EVC2: variants seen among roughly 807,000 people sequenced by gnomAD.
The protein encoded by EVC2 is limbin.
EVC2 carries 148 observed loss-of-function variants against 149.3 expected under a neutral mutation model. The observed-to-expected ratio is 0.99, with a 90% CI of 0.87 to 1.14. The LOEUF (loss-of-function observed/expected upper bound fraction) is 1.14, where lower values mean the gene tolerates loss of function less well. Ranked by LOEUF, EVC2 falls within the 50% of genes most tolerant of loss-of-function variation. The pLI, the probability that EVC2 is intolerant of heterozygous loss-of-function variation, is 0.00. For missense variants in EVC2, 1,854 were observed against 1,627.3 expected (o/e 1.14, Z -2.40); for synonymous variants, 776 against 649.9 (o/e 1.19, Z -2.95).
At chr4:5,615,663 T>C (rs994467550) in intron 15 of EVC2, 119 bp from the exon 16 acceptor site, 16 of 1,445,988 alleles carry the variant, frequency 1.1e-5, no homozygotes, top group Non-Finnish European at 1.5e-5. Context: ...TGCAAAACTC[T>C]GCCTTAGGCC....
At chr4:5,631,660 A>G in intron 11 of EVC2, 133 bp downstream of exon 11, 1 of 1,276,070 alleles carries the variant, frequency 7.8e-7, no homozygotes, top group South Asian at 1.5e-5. Context: ...AAACTCACAC[A>G]CCAAGAGATA....
chr4:5,597,227 A>G (rs1713518326), intron 16 of EVC2, among the ~76,000 whole-genome samples: 1 of 152,222 alleles, frequency 6.6e-6, no homozygotes, highest in African/African-American at 2.4e-5. Context: ...TGAGGCCAGC[A>G]TCATCCTGAT....
chr4:5,581,095 T>C (rs1447563503), intron 17 of EVC2, among the ~76,000 whole-genome samples: 1 of 152,254 alleles, frequency 6.6e-6, no homozygotes, highest in African/African-American at 2.4e-5. Flanking sequence ...ATGCTTCCTG[T>C]ACAGCCTGCA....
the EVC2 span, among the ~76,000 whole-genome samples, chr4:5,535,597 TAGAAAGAGAG>T: frequency 1.2e-5 from 1 of 86,014 alleles, no homozygotes; most frequent in Non-Finnish European, 2.2e-5. This position sits in a 1 kb window ranked among gnomAD's most constrained non-coding sequence, Gnocchi z 4.7. Context: ...TGTGCATGCT[TAGAAAGAGAG>T]AGAGAGAGAG....
At chr4:5,583,032 T>C (rs1262768062) in intron 17 of EVC2, among the ~76,000 whole-genome samples, 2 of 152,302 alleles carry the variant, frequency 1.3e-5, no homozygotes, top group East Asian at 3.9e-4. Context: ...CTTTCCTTTA[T>C]AAATTACCCA....
chr4:5,648,780 T>A (rs1717906729), intron 9 of EVC2, among the ~76,000 whole-genome samples: 1 of 152,152 alleles, frequency 6.6e-6, no homozygotes, highest in South Asian at 2.1e-4. Context: ...TCACTATAGA[T>A]AATCTGTCAG....
chr4:5,698,401 GT>G (rs1180663630), intron 1 of EVC2, among the ~76,000 whole-genome samples: 1 of 152,110 alleles, frequency 6.6e-6, no homozygotes, highest in African/African-American at 2.4e-5. Context: ...TTCACTGTGT[GT>G]CCTTGGCTAA....
At position 5,677,184 on chromosome 4, in the gene EVC2, A is replaced by G. The variant is rs1720046866; in HGVS notation, c.870+4076T>C. Among the ~76,000 whole-genome samples, 1 of 152,156 alleles carries G rather than the reference A, an allele frequency of 6.6e-6. No homozygotes were observed. Among genetic ancestry groups the G allele is most frequent in the South Asian group, 2.1e-4 (1 of 4,830 alleles). On this transcript the variant is annotated intron_variant, in intron 7 of 21. Coordinates refer to ENST00000344408, the MANE Select transcript of EVC2 (RefSeq NM_147127.5). The surrounding 1 kb of genome is among the most constrained non-coding windows in gnomAD (Gnocchi z 4.3). ...TACAGCCCTTGATCCATTTACCTCA[A>G]CAACCATCCTATGAAGTGAACGTTG...
chr4:5,680,505 C>T (rs948159088), intron 7 of EVC2, among the ~76,000 whole-genome samples: 1 of 152,170 alleles, frequency 6.6e-6, no homozygotes, highest in Non-Finnish European at 1.5e-5. Context: ...ACCAAAATGT[C>T]ATTATGTGGC....
intron 9 of EVC2, 71 bp downstream of exon 9, chr4:5,663,036 T>C (rs1719005083): frequency 6.3e-7 from 1 of 1,584,052 alleles, no homozygotes; most frequent in Non-Finnish European, 8.7e-7. Flanking sequence ...TACTCAGCAT[T>C]TGGCCTTATG....
intron 21 of EVC2, among the ~76,000 whole-genome samples, chr4:5,548,708 T>C (rs1402123710): frequency 6.6e-6 from 1 of 152,072 alleles, no homozygotes; most frequent in East Asian, 1.9e-4. Flanking sequence ...ATATGAAAAA[T>C]TATTTTCTCT....
intron 21 of EVC2, among the ~76,000 whole-genome samples, chr4:5,543,644 G>A (rs756168988): frequency 1.3e-5 from 2 of 152,184 alleles, no homozygotes; most frequent in Non-Finnish European, 2.9e-5. Context: ...GTGTGTTCCA[G>A]AAGGAGTTCC....
rs1715439818 is a variant in EVC2 at position 5,618,539 on chromosome 4, G to A, written c.2645C>T (p.Thr882Ile). 6.2e-7 allele frequency: 1 copy of A among 1,614,026 alleles called. No homozygotes were observed. Among genetic ancestry groups the A allele is most frequent in the African/African-American group, 1.3e-5 (1 of 74,938 alleles). Reference protein sequence around the residue: ...RARVLLQQFQTAWREAEFVKL... With the variant: ...RARVLLQQFQIAWREAEFVKL... The stretch of plus-strand genomic sequence containing the variant: ...CACGAACTCTGCTTCTCGCCACGCA[G>A]TCTGAAATTGCTGCAGCAGAACTCG... The change falls in exon 15 of 22, where the codon ACT becomes ATT. Residue 882 changes from threonine to isoleucine, a missense_variant. Thr to Ile is a moderately conservative substitution (Grantham distance 89). Transcript: ENST00000344408. This position sits in a 1 kb window ranked among gnomAD's most constrained non-coding sequence, Gnocchi z 4.4.
intron 7 of EVC2, among the ~76,000 whole-genome samples, chr4:5,678,875 A>G (rs1463848182): frequency 6.6e-6 from 1 of 152,078 alleles, no homozygotes; most frequent in Non-Finnish European, 1.5e-5. Context: ...TACTAAAAAT[A>G]TAAAAACTAG....
chr4:5,675,106 T>C (rs1369779989), intron 7 of EVC2, among the ~76,000 whole-genome samples: 1 of 152,202 alleles, frequency 6.6e-6, no homozygotes, highest in Non-Finnish European at 1.5e-5. Flanking sequence ...AGCTACCTAT[T>C]GTGGCATTCC....
In EVC2 at chr4:5,592,197, C is replaced by T. The variant is rs114049576; in HGVS notation, c.2830-7347G>A. Among the ~76,000 whole-genome samples the T allele has an allele frequency of 6.1e-3, 924 of 152,286 alleles. 10 individuals carry two copies. The highest frequency in any genetic ancestry group is 0.021 in the African/African-American group (888 of 41,546). ...CTGTATCCAAACAAATTCACAATCC[C>T]CCAAGAGCAGGCCTCCTTACCAAAT... On this transcript the variant is annotated intron_variant, in intron 16 of 21. Transcript: ENST00000344408.
chr4:5,683,301 C>T (rs1307971882), intron 6 of EVC2, among the ~76,000 whole-genome samples: 1 of 152,144 alleles, frequency 6.6e-6, no homozygotes, highest in East Asian at 1.9e-4. Context: ...AGTTCAGAGC[C>T]CACATTCTAG....
At chr4:5,624,243 T>A (rs192615074) in intron 13 of EVC2, among the ~76,000 whole-genome samples, 3 of 152,244 alleles carry the variant, frequency 2.0e-5, no homozygotes, top group African/African-American at 7.2e-5. Flanking sequence ...TAACAGTGGG[T>A]CCACAGATAG....
At chr4:5,591,878 G>A (rs1465027472) in intron 16 of EVC2, among the ~76,000 whole-genome samples, 1 of 152,132 alleles carries the variant, frequency 6.6e-6, no homozygotes, top group African/African-American at 2.4e-5. Flanking sequence ...ATGATATGCT[G>A]CTAAATACTC....
Sources: allele counts gnomAD v4.1 joint callset (sites outside exome capture counted in the v4.1 genomes callset), GRCh38; gene constraint gnomAD v4.1.1; non-coding constraint Gnocchi (gnomAD v3.1); transcripts MANE v1.5; gene names NCBI Gene and HGNC (gene_info 2026-07-23, HGNC 2026-07-21).